The following RP1 variants were observed in gnomAD, a reference collection of about 807,000 sequenced individuals.
RP1 encodes the protein RP1 axonemal microtubule associated.
A neutral mutation model predicts 14.8 loss-of-function variants in RP1; 16 were observed. That is an observed-to-expected ratio of 1.08 (90% CI 0.73 to 1.65). RP1 has a LOEUF of 1.65. Ranked by LOEUF, RP1 falls within the 40% of genes most tolerant of loss-of-function variation. The probability of loss-of-function intolerance (pLI) is 0.00; values close to 1 mark genes in which losing one functional copy is unlikely to be tolerated. For synonymous variants in RP1, 876 were observed against 883.6 expected (o/e 0.99, Z 0.15); for missense variants, 2,631 against 2,535.0 (o/e 1.04, Z -0.81).
chr8:54,797,659 C>T (rs1280400624), intron 24 of RP1, among the ~76,000 whole-genome samples: 1 of 152,138 alleles, frequency 6.6e-6, no homozygotes, highest in Non-Finnish European at 1.5e-5. Flanking sequence ...GATAACCCTT[C>T]TTCCACAACT....
At chr8:54,701,551 G>A (rs1456948924) in exon 14 of RP1, 2 of 1,535,752 alleles carry the variant, frequency 1.3e-6, no homozygotes, top group Admixed American at 3.9e-5. Flanking sequence ...CACTTCTTGA[G>A]TCGGCACTGG....
At chr8:54,819,948 G>A (rs966499374) in intron 24 of RP1, among the ~76,000 whole-genome samples, 3 of 151,196 alleles carry the variant, frequency 2.0e-5, no homozygotes, top group South Asian at 2.1e-4. Context: ...CAAGATCCGC[G>A]GTGACTACTG....
At chr8:54,577,306 G>A (rs146401826) in intron 1 of RP1, among the ~76,000 whole-genome samples, 5 of 152,196 alleles carry the variant, frequency 3.3e-5, no homozygotes, top group Middle Eastern at 3.4e-3. Flanking sequence ...GTGAGCTGCC[G>A]CACCTGGCTG....
intron 24 of RP1, among the ~76,000 whole-genome samples, chr8:54,803,251 A>G (rs1405107848): frequency 3.9e-5 from 6 of 152,208 alleles, no homozygotes; most frequent in Non-Finnish European, 5.9e-5. Flanking sequence ...CTGGGACTCT[A>G]TATGAACATG....
chr8:54,736,596 G>A (rs1808929657), intron 18 of RP1, among the ~76,000 whole-genome samples: 1 of 152,120 alleles, frequency 6.6e-6, no homozygotes, highest in Non-Finnish European at 1.5e-5. Context: ...TCCCTCTGCT[G>A]GTAAATGGCT....
intron 22 of RP1, among the ~76,000 whole-genome samples, chr8:54,760,618 G>A (rs1301989251): frequency 1.3e-5 from 2 of 152,010 alleles, no homozygotes; most frequent in African/African-American, 4.8e-5. Flanking sequence ...TCCATTCAAG[G>A]CTTTATAACA....
intron 7 of RP1, among the ~76,000 whole-genome samples, chr8:54,666,994 A>G (rs1051220485): frequency 3.3e-5 from 5 of 152,012 alleles, no homozygotes; most frequent in Admixed American, 3.3e-4. Flanking sequence ...CAGATATGGC[A>G]CTGGAAATAG....
intron 18 of RP1, among the ~76,000 whole-genome samples, chr8:54,735,058 A>G (rs182048420): frequency 6.6e-6 from 1 of 152,258 alleles, no homozygotes; most frequent in East Asian, 1.9e-4. Flanking sequence ...AGCTGTATAG[A>G]GATTATTCTG....
At chr8:54,661,068 C>CT (rs1305572871) in intron 6 of RP1, among the ~76,000 whole-genome samples, 2 of 150,874 alleles carry the variant, frequency 1.3e-5, no homozygotes, top group Admixed American at 6.6e-5. Context: ...AATCCCAGCA[C>CT]TTTGGGAGGC....
Position 54,627,691 on chromosome 8 carries a change from C to T in RP1, c.3809C>T (p.Pro1270Leu). The change falls in exon 4 of 4, where the codon CCA (proline) becomes CTA (leucine). Residue 1270 changes from proline to leucine, a missense_variant. Physicochemically the swap from Pro to Leu is moderately conservative, Grantham distance 98 (BLOSUM62 -3). Transcript: ENST00000220676. ...TGCACTGTAAATAAGGCTTATTCTC[C>T]AAAAGAGACATGTAACCCCAGTGAC... ...EMCTVNKAYS[P>L]KETCNPSDTF... 1 of 1,614,114 alleles carries T rather than the reference C, an allele frequency of 6.2e-7. No homozygotes were observed. Among genetic ancestry groups the T allele is most frequent in the Non-Finnish European group, 8.5e-7 (1 of 1,179,982 alleles).
intron 7 of RP1, chr8:54,673,726 G>C: frequency 1.3e-6 from 1 of 780,988 alleles, no homozygotes; most frequent in East Asian, 2.9e-5. Context: ...GGTGACAGAG[G>C]GAGAGCCTGT....
At chr8:54,592,725 A>C (rs1451935243) in intron 1 of RP1, among the ~76,000 whole-genome samples, 1 of 152,168 alleles carries the variant, frequency 6.6e-6, no homozygotes, top group Non-Finnish European at 1.5e-5. Context: ...TCACACAGCT[A>C]TCAAGGACTC....
Position 54,828,176 on chromosome 8 carries a change from C to T in RP1, c.3616-9274C>T, listed in dbSNP as rs1375649831. On this transcript the variant is annotated intron_variant, in intron 24 of 28. Transcript: ENST00000637698. ...TTTAAAAAATAAGTGGAAATATACT[C>T]TAAAATAATAATTAAAAGTACAGCA... Among the ~76,000 whole-genome samples, 3 of 152,102 alleles carry T rather than the reference C, an allele frequency of 2.0e-5. No homozygotes were observed. The East Asian group carries it at 5.8e-4, about 29-fold the overall frequency.
rs1284293497 is a variant in RP1, at chr8:54,628,838, C to A, written c.4956C>A (p.Arg1652=). 6.2e-7 allele frequency: 1 copy of A among 1,614,030 alleles called. No individual in the cohort carries two copies. Residue 1652 remains arginine, a synonymous_variant, in exon 4 of 4, where the codon CGC becomes CGA. Coordinates refer to ENST00000220676, the MANE Select transcript of RP1 (RefSeq NM_006269.2). The part of the protein sequence containing the change: ...IKPSFFPGST[R]KSQVCPYNSV... ...CATCTTTTTTTCCTGGGTCTACCCG[C>A]AAATCTCAGGTTTGTCCTTATAATT...
At chr8:54,582,092 A>C (rs1426207698) in intron 1 of RP1, among the ~76,000 whole-genome samples, 1 of 152,170 alleles carries the variant, frequency 6.6e-6, no homozygotes, top group Non-Finnish European at 1.5e-5. Flanking sequence ...CTATGTCCTG[A>C]ATGGTATTGC....
chr8:54,589,838 C>T (rs1276702830), intron 1 of RP1, among the ~76,000 whole-genome samples: 2 of 152,200 alleles, frequency 1.3e-5, no homozygotes, highest in Non-Finnish European at 2.9e-5. Flanking sequence ...TCCACTGCCA[C>T]TGGAATGGAC....
At chr8:54,823,072 A>G (rs889447771) in intron 24 of RP1, among the ~76,000 whole-genome samples, 3 of 152,044 alleles carry the variant, frequency 2.0e-5, no homozygotes, top group Non-Finnish European at 2.9e-5. Flanking sequence ...GCATAGTTCT[A>G]CGTTGTTTTA....
At chr8:54,794,381 C>T (rs749506901) in intron 24 of RP1, among the ~76,000 whole-genome samples, 43 of 150,728 alleles carry the variant, frequency 2.9e-4, no homozygotes, top group Non-Finnish European at 4.3e-4. Flanking sequence ...CAAAGTCAAA[C>T]GGAACAGAAT....
At chr8:54,787,989 A>G (rs1810367287) in intron 24 of RP1, among the ~76,000 whole-genome samples, 1 of 152,230 alleles carries the variant, frequency 6.6e-6, no homozygotes, top group Non-Finnish European at 1.5e-5. Context: ...GCAGACTGAA[A>G]GAGTTAAACA....
Sources: gnomAD v4.1 joint callset for allele counts (sites outside exome capture counted in the v4.1 genomes callset) on GRCh38, gnomAD v4.1.1 for gene constraint, MANE v1.5 for transcripts, NCBI Gene and HGNC (gene_info 2026-07-23, HGNC 2026-07-21) for gene names.